IGSF21: variants seen among roughly 807,000 people sequenced by gnomAD.
IGSF21 encodes the protein immunoglobulin superfamily member 21.
IGSF21 carries 28 observed loss-of-function variants against 46.8 expected under a neutral mutation model. The observed-to-expected ratio is 0.60, with a 90% CI of 0.44 to 0.82. The LOEUF (loss-of-function observed/expected upper bound fraction) is 0.82, where lower values mean the gene tolerates loss of function less well. IGSF21 is among the 40% of genes least tolerant of loss of function. The probability of loss-of-function intolerance (pLI) is 0.00; values close to 1 mark genes in which losing one functional copy is unlikely to be tolerated. For missense variants in IGSF21, 624 were observed against 665.5 expected, an observed-to-expected ratio of 0.94 and a Z score of 0.69; for synonymous variants, 284 against 273.6, an observed-to-expected ratio of 1.04 and a Z score of -0.38.
At chr1:18,146,477 G>C (rs2086467825) in intron 1 of IGSF21, among the ~76,000 whole-genome samples, 1 of 152,024 alleles carries the variant, frequency 6.6e-6, no homozygotes, top group Non-Finnish European at 1.5e-5. Context: ...CTTCTCCTGG[G>C]CCCTCCTGGG....
intron 1 of IGSF21, 67 bp from the exon 2 acceptor site, chr1:18,227,831 G>C (rs1476587199): frequency 8.8e-7 from 1 of 1,139,964 alleles, no homozygotes; most frequent in East Asian, 2.4e-5. Context: ...CCCTGGCCCT[G>C]CCCTCATCAG....
intron 1 of IGSF21, among the ~76,000 whole-genome samples, chr1:18,220,328 A>C (rs987633738): frequency 6.6e-6 from 1 of 152,122 alleles, no homozygotes; most frequent in Non-Finnish European, 1.5e-5. Flanking sequence ...GGATACTCCA[A>C]GCTGGCAGCA....
chr1:18,338,821 G>T (rs955760276), intron 4 of IGSF21, among the ~76,000 whole-genome samples: 2 of 152,034 alleles, frequency 1.3e-5, no homozygotes, highest in African/African-American at 4.8e-5. Flanking sequence ...CAATTTGAAA[G>T]TTGCGTGCTG....
intron 3 of IGSF21, among the ~76,000 whole-genome samples, chr1:18,326,986 G>A (rs1334964359): frequency 1.3e-5 from 2 of 152,144 alleles, no homozygotes; most frequent in Non-Finnish European, 2.9e-5. Context: ...AGGAAACATC[G>A]ATGAGCCTCC....
chr1:18,318,844 AATCT>A (rs1189746757), intron 3 of IGSF21, among the ~76,000 whole-genome samples: 2 of 152,202 alleles, frequency 1.3e-5, no homozygotes, highest in African/African-American at 4.8e-5. Flanking sequence ...TTTACAAACA[AATCT>A]ATACGTTTGG....
At chr1:18,226,351 A>G (rs12032156) in intron 1 of IGSF21, among the ~76,000 whole-genome samples, 14,195 of 152,218 alleles carry the variant, frequency 0.093, 841 homozygotes, top group East Asian at 0.15. Flanking sequence ...TCTGCTTCCC[A>G]GATCCTGGCC....
intron 1 of IGSF21, among the ~76,000 whole-genome samples, chr1:18,206,729 G>C (rs1457383087): frequency 6.6e-6 from 1 of 152,170 alleles, no homozygotes; most frequent in African/African-American, 2.4e-5. Context: ...CACCGCACAG[G>C]CTTCTGGGCC....
At chr1:18,196,546 C>T (rs1294874906) in intron 1 of IGSF21, among the ~76,000 whole-genome samples, 2 of 152,204 alleles carry the variant, frequency 1.3e-5, no homozygotes, top group Admixed American at 6.5e-5. Context: ...CCACAGGGTC[C>T]TGAAGGTACC....
chr1:18,251,178 C>T (rs1222769523), intron 2 of IGSF21, among the ~76,000 whole-genome samples: 1 of 152,146 alleles, frequency 6.6e-6, no homozygotes, highest in Non-Finnish European at 1.5e-5. Context: ...GGCTTTCTCA[C>T]ATTGGGCTTT....
At chr1:18,331,807 C>G (rs2085715981) in intron 3 of IGSF21, among the ~76,000 whole-genome samples, 1 of 152,026 alleles carries the variant, frequency 6.6e-6, no homozygotes, top group Non-Finnish European at 1.5e-5. Flanking sequence ...GTGGATAGTT[C>G]AGGATCTATT....
Position 18,261,029 on chromosome 1 carries a change from T to G in IGSF21, c.184-30837T>G, listed in dbSNP as rs75872206. Among the ~76,000 whole-genome samples, 552 of 152,246 alleles carry G rather than the reference T, an allele frequency of 3.6e-3. 5 individuals are homozygous for G. Among genetic ancestry groups the G allele is most frequent in the African/African-American group, 0.012 (489 of 41,548 alleles). On this transcript the variant is annotated intron_variant, in intron 2 of 9. Transcript: ENST00000251296. ...TCGAGACCAGAAGTGACTGGAGACATTCTAATCAGTCCTATCTCTTGTATT... is the reference window on the plus strand; with the variant it reads ...TCGAGACCAGAAGTGACTGGAGACAGTCTAATCAGTCCTATCTCTTGTATT...
Position 18,334,808 on chromosome 1 carries a change from T to C in IGSF21, c.306-84T>C. 1.1e-6 allele frequency: 1 copy of C among 942,506 alleles called. No individual in the cohort carries two copies. 58.4% of individuals were successfully genotyped at this position (942,506 alleles called of 1,614,324 possible). A position where few individuals can be genotyped will look rare whatever the true frequency, so the allele number is the denominator to read the frequency against. ...TGTTTGTTAGTGGAGGCTGCACCAGTGGGCATCAGGATGAGTTTCCTTGAA... is the reference window on the plus strand; with the variant it reads ...TGTTTGTTAGTGGAGGCTGCACCAGCGGGCATCAGGATGAGTTTCCTTGAA... On this transcript the variant is annotated intron_variant, in intron 3 of 9. Coordinates refer to ENST00000251296, the MANE Select transcript of IGSF21 (RefSeq NM_032880.5). The surrounding 1 kb of genome is among the most constrained non-coding windows in gnomAD (Gnocchi z 4.3).
Position 18,234,770 on chromosome 1 carries a change from G to A in IGSF21, c.183+6760G>A, listed in dbSNP as rs574281168. Among the ~76,000 whole-genome samples, 176 of 152,008 alleles carry A rather than the reference G, an allele frequency of 1.2e-3. 2 individuals are homozygous for A. Among genetic ancestry groups the A allele is most frequent in the African/African-American group, 4.1e-3 (169 of 41,454 alleles). ...TCACCTCCCACCGAGTCCCTTTCAC[G>A]AACTTGGGAACCACAGTTCAAGACG... On this transcript the variant is annotated intron_variant, in intron 2 of 9. Transcript: ENST00000251296.
At chr1:18,231,922 C>CGAGT (rs1553156169) in intron 2 of IGSF21, among the ~76,000 whole-genome samples, 1 of 136,438 alleles carries the variant, frequency 7.3e-6, no homozygotes, top group Non-Finnish European at 1.6e-5. Flanking sequence ...ATCATTAGAT[C>CGAGT]GTGTGTGTGT....
At chr1:18,215,749 A>G (rs886424566) in intron 1 of IGSF21, among the ~76,000 whole-genome samples, 3 of 152,256 alleles carry the variant, frequency 2.0e-5, no homozygotes, top group Admixed American at 6.5e-5. Context: ...GTGGTTTTGT[A>G]TAGGGGTCAG....
chr1:18,132,741 G>T (rs1016429500), intron 1 of IGSF21, among the ~76,000 whole-genome samples: 7 of 152,110 alleles, frequency 4.6e-5, no homozygotes, highest in Admixed American at 2.6e-4. Context: ...TGGGCAAGGG[G>T]GTGGGGGACC....
chr1:18,349,971 C>T (rs1434489344), intron 4 of IGSF21, among the ~76,000 whole-genome samples: 1 of 152,124 alleles, frequency 6.6e-6, no homozygotes, highest in African/African-American at 2.4e-5. Flanking sequence ...AGTGGCTTGC[C>T]AAGGTTACCC....
intron 3 of IGSF21, among the ~76,000 whole-genome samples, chr1:18,300,564 C>T (rs940939400): frequency 2.0e-5 from 3 of 152,214 alleles, no homozygotes; most frequent in Non-Finnish European, 4.4e-5. Flanking sequence ...GCTTGAGCTG[C>T]CCGCATACCT....
chr1:18,165,290 C>T (rs944689543), intron 1 of IGSF21, among the ~76,000 whole-genome samples: 23 of 152,142 alleles, frequency 1.5e-4, no homozygotes, highest in African/African-American at 4.6e-4. Context: ...GTGCTGGCAG[C>T]GTTGGTTTCT....
Sources: allele counts gnomAD v4.1 joint callset (sites outside exome capture counted in the v4.1 genomes callset), GRCh38; gene constraint gnomAD v4.1.1; non-coding constraint Gnocchi (gnomAD v3.1); transcripts MANE v1.5; gene names NCBI Gene and HGNC (gene_info 2026-07-23, HGNC 2026-07-21).